Variants in TMEM132D observed in about 807,000 individuals in gnomAD.
TMEM132D encodes mature OL transmembrane protein.
TMEM132D carries 21 observed loss-of-function variants against 62.3 expected under a neutral mutation model. The observed-to-expected ratio is 0.34, with a 90% CI of 0.24 to 0.49. The LOEUF (loss-of-function observed/expected upper bound fraction) is 0.49. TMEM132D is among the 20% of genes least tolerant of loss of function. The pLI, the probability that TMEM132D is intolerant of heterozygous loss-of-function variation, is 0.99. For synonymous variants in TMEM132D, 621 were observed against 575.6 expected (o/e 1.08, Z -1.13); for missense variants, 1,346 against 1,402.8 (o/e 0.96, Z 0.65).
At chr12:129,240,088 C>T (rs1879895906) in intron 4 of TMEM132D, among the ~76,000 whole-genome samples, 2 of 152,094 alleles carry the variant, frequency 1.3e-5, no homozygotes, top group South Asian at 4.1e-4. Context: ...TAAAAGTTGA[C>T]TCAGATTTAT....
At chr12:129,290,702 C>A (rs1881427571) in intron 4 of TMEM132D, among the ~76,000 whole-genome samples, 1 of 152,044 alleles carries the variant, frequency 6.6e-6, no homozygotes, top group African/African-American at 2.4e-5. Flanking sequence ...GCCTTATTTG[C>A]AATATTTTAA....
At chr12:129,549,782 G>C (rs955316616) in intron 2 of TMEM132D, among the ~76,000 whole-genome samples, 2 of 152,156 alleles carry the variant, frequency 1.3e-5, no homozygotes, top group African/African-American at 4.8e-5. Context: ...AAGGAATAAA[G>C]CTTTGTTATG....
At chr12:129,718,249 G>A (rs778787811) in intron 1 of TMEM132D, among the ~76,000 whole-genome samples, 7 of 152,330 alleles carry the variant, frequency 4.6e-5, no homozygotes, top group Non-Finnish European at 1.0e-4. Flanking sequence ...AGGCAAAGTG[G>A]CCAGGCTGGG....
chr12:129,671,116 G>A (rs1455155263), intron 2 of TMEM132D, among the ~76,000 whole-genome samples: 1 of 152,152 alleles, frequency 6.6e-6, no homozygotes, highest in Non-Finnish European at 1.5e-5. Context: ...TGAATATTGA[G>A]ATACTATATA....
chr12:129,753,960 C>T (rs530789195), intron 1 of TMEM132D, among the ~76,000 whole-genome samples: 1 of 152,168 alleles, frequency 6.6e-6, no homozygotes, highest in Admixed American at 6.5e-5. Context: ...CGTCAAATTC[C>T]CCTTTATGTT....
chr12:129,448,440 A>G (rs142520470), intron 3 of TMEM132D, among the ~76,000 whole-genome samples: 54 of 152,168 alleles, frequency 3.5e-4, no homozygotes, highest in Non-Finnish European at 7.6e-4. Flanking sequence ...TGTTCTCATC[A>G]TTTAGGTCCC....
chr12:129,747,839 C>G (rs1465560769), intron 1 of TMEM132D, among the ~76,000 whole-genome samples: 6 of 83,634 alleles, frequency 7.2e-5, no homozygotes, highest in Non-Finnish European at 1.6e-4. Context: ...GACACACATT[C>G]AGACACACAC....
intron 3 of TMEM132D, among the ~76,000 whole-genome samples, chr12:129,527,901 T>C (rs76472315): frequency 1.2e-4 from 19 of 152,348 alleles, no homozygotes; most frequent in Non-Finnish European, 2.4e-4. Flanking sequence ...TAAACTTAGA[T>C]AAGAGATCTT....
At chr12:129,212,552 T>G (rs1157719621) in intron 4 of TMEM132D, 5 of 152,256 alleles carry the variant, frequency 3.3e-5, no homozygotes, top group African/African-American at 1.2e-4. Context: ...ACTGCTCTGA[T>G]TTTTGGACCC....
intron 4 of TMEM132D, among the ~76,000 whole-genome samples, chr12:129,227,819 A>G (rs1160167308): frequency 1.3e-5 from 2 of 152,028 alleles, no homozygotes; most frequent in Admixed American, 1.3e-4. Flanking sequence ...TTATTGTTCA[A>G]TTCCCACCTA....
rs1318738326 is a variant in TMEM132D at position 129,877,653 on chromosome 12, A to AGAGAGAGC, written c.79+25607_79+25608insGCTCTCTC. ...CAGAGAGAGAGAGAGAGAGAGAGAG[A>AGAGAGAGC]GCGCTATAAGCTGAAGCCCATCTTG... On this transcript the variant is annotated intron_variant, in intron 1 of 8. Transcript: ENST00000422113. Among the ~76,000 whole-genome samples the AGAGAGAGC allele has an allele frequency of 5.3e-4, 79 of 150,210 alleles. No homozygotes were observed. In the South Asian group the frequency reaches 6.9e-3, roughly 13 times the overall value.
intron 4 of TMEM132D, among the ~76,000 whole-genome samples, chr12:129,248,397 A>G (rs1219673473): frequency 2.6e-5 from 4 of 152,226 alleles, no homozygotes; most frequent in Non-Finnish European, 5.9e-5. Context: ...AAACAACGGT[A>G]ACACTAATGG....
chr12:129,360,787 A>G (rs981156566), intron 3 of TMEM132D, among the ~76,000 whole-genome samples: 2 of 152,182 alleles, frequency 1.3e-5, no homozygotes, highest in African/African-American at 4.8e-5. Context: ...CCTCTTAGCT[A>G]AGCCATTCCT....
intron 3 of TMEM132D, among the ~76,000 whole-genome samples, chr12:129,365,556 G>A (rs555276824): frequency 7.4e-4 from 112 of 152,270 alleles, no homozygotes; most frequent in African/African-American, 2.6e-3. Flanking sequence ...ATAATCACAT[G>A]TCAAAGGAAG....
At chr12:129,870,316 G>A (rs1874199760) in intron 1 of TMEM132D, among the ~76,000 whole-genome samples, 1 of 152,112 alleles carries the variant, frequency 6.6e-6, no homozygotes, top group African/African-American at 2.4e-5. Flanking sequence ...TGACTCATGG[G>A]TGAACCCTTA....
intron 1 of TMEM132D, among the ~76,000 whole-genome samples, chr12:129,802,990 T>A (rs1468746763): frequency 1.3e-5 from 2 of 150,778 alleles, no homozygotes; most frequent in Non-Finnish European, 3.0e-5. Context: ...AAGAGCTAAC[T>A]ATCCTAAATA....
At chr12:129,519,552 T>G (rs1321683712) in intron 3 of TMEM132D, among the ~76,000 whole-genome samples, 1 of 149,718 alleles carries the variant, frequency 6.7e-6, no homozygotes, top group Non-Finnish European at 1.5e-5. Context: ...TGAGGAAAGA[T>G]TCATAAATGT....
chr12:129,477,647 C>T (rs1424367418), intron 3 of TMEM132D, among the ~76,000 whole-genome samples: 6 of 152,058 alleles, frequency 3.9e-5, no homozygotes, highest in South Asian at 2.1e-4. Flanking sequence ...GGTGAAACCC[C>T]GTCTCTACTA....
intron 3 of TMEM132D, among the ~76,000 whole-genome samples, chr12:129,389,600 A>T (rs1593361557): frequency 6.8e-6 from 1 of 147,530 alleles, no homozygotes. Context: ...CTTAAACTAA[A>T]ACTAATATTA....
Sources: gnomAD v4.1 joint callset for allele counts (sites outside exome capture counted in the v4.1 genomes callset) on GRCh38, gnomAD v4.1.1 for gene constraint, MANE v1.5 for transcripts, NCBI Gene and HGNC (gene_info 2026-07-23, HGNC 2026-07-21) for gene names.